Variants in FAT3 observed in about 807,000 individuals in gnomAD.
FAT3 encodes the protein FAT atypical cadherin 3.
A neutral mutation model predicts 310.2 loss-of-function variants in FAT3; 95 were observed. The observed-to-expected ratio is 0.31, with a 90% confidence interval of 0.26 to 0.36. FAT3 has a LOEUF of 0.36. FAT3 is among the 10% of genes least tolerant of loss of function. The pLI, the probability that FAT3 is intolerant of heterozygous loss-of-function variation, is 1.00. For missense variants in FAT3, 5,408 were observed against 5,715.6 expected (o/e 0.95, Z 1.74); for synonymous variants, 2,314 against 2,192.9 (o/e 1.06, Z -1.54).
chr11:92,802,462 TTC>T (rs1475542348), intron 10 of FAT3, among the ~76,000 whole-genome samples: 1 of 152,194 alleles, frequency 6.6e-6, no homozygotes, highest in Non-Finnish European at 1.5e-5. Context: ...TTTTTTGGAT[TTC>T]TTTTCTGTCT....
intron 1 of FAT3, among the ~76,000 whole-genome samples, chr11:92,342,833 A>C (rs931450505): frequency 9.9e-5 from 15 of 152,156 alleles, no homozygotes; most frequent in Non-Finnish European, 2.1e-4. Context: ...TTTTTCTGGC[A>C]CATTTTTTCA....
chr11:92,846,242 A>G (rs1239289630), intron 19 of FAT3, among the ~76,000 whole-genome samples: 1 of 152,170 alleles, frequency 6.6e-6, no homozygotes, highest in Non-Finnish European at 1.5e-5. Context: ...CAGCTAATTA[A>G]TCCTTGTACT....
At chr11:92,811,380 A>C (rs1947667675) in intron 13 of FAT3, among the ~76,000 whole-genome samples, 1 of 151,990 alleles carries the variant, frequency 6.6e-6, no homozygotes, top group Admixed American at 6.6e-5. Flanking sequence ...AAAGATTGGA[A>C]TTTTTCTCCA....
At chr11:92,372,805 C>T (rs928451177) in intron 2 of FAT3, among the ~76,000 whole-genome samples, 5 of 152,088 alleles carry the variant, frequency 3.3e-5, no homozygotes, top group South Asian at 2.1e-4. Context: ...GGACTACAGG[C>T]GCCTGCCACC....
At chr11:92,877,944 A>G (rs905114869) in intron 22 of FAT3, among the ~76,000 whole-genome samples, 4 of 152,194 alleles carry the variant, frequency 2.6e-5, no homozygotes, top group African/African-American at 9.7e-5. Flanking sequence ...AGCCTAGCCT[A>G]CCTGAAACAC....
At position 92,230,919 on chromosome 11, in the gene FAT3, C is replaced by T. The variant is rs117829083; in HGVS notation, c.-18+5745C>T. 1.5e-3 allele frequency among the ~76,000 whole-genome samples: 235 copies of T among 152,256 alleles called. 4 individuals are homozygous for T. In the East Asian group the frequency reaches 0.04, roughly 26 times the overall value. On this transcript the variant is annotated intron_variant, in intron 1 of 27. Transcript: ENST00000525166. The stretch of plus-strand genomic sequence containing the variant: ...TAATTCCATTTAATAATTCTTACTA[C>T]AGCCCTAATGTATGCAAGGCACTAT...
chr11:92,592,518 C>T (rs1939486399), intron 3 of FAT3, among the ~76,000 whole-genome samples: 1 of 151,904 alleles, frequency 6.6e-6, no homozygotes, highest in East Asian at 1.9e-4. Context: ...GATGGGATTT[C>T]ACCGTGTTGG....
In FAT3 at chr11:92,484,911, TG is replaced by T. The variant is rs541343526; in HGVS notation, c.3293-39720del. 3.1e-3 allele frequency among the ~76,000 whole-genome samples: 468 copies of T among 152,350 alleles called. 4 individuals carry two copies. Among genetic ancestry groups the T allele is most frequent in the Middle Eastern group, 0.024 (7 of 294 alleles). On this transcript the variant is annotated intron_variant, in intron 2 of 27. Transcript: ENST00000525166. ...AGAAGTTAATTGGACAAGTAATTTTTGGGCGATGTCTTTGGAAATGTGTGCA... is the reference window on the plus strand; with the variant it reads ...AGAAGTTAATTGGACAAGTAATTTTTGGCGATGTCTTTGGAAATGTGTGCA...
intron 4 of FAT3, among the ~76,000 whole-genome samples, chr11:92,709,164 C>G (rs1024659212): frequency 6.6e-6 from 1 of 152,358 alleles, no homozygotes; most frequent in Middle Eastern, 3.4e-3. Flanking sequence ...AACCCCTAAG[C>G]TTTCTCCCGG....
intron 3 of FAT3, among the ~76,000 whole-genome samples, chr11:92,582,805 A>G (rs1938885981): frequency 6.6e-6 from 1 of 152,034 alleles, no homozygotes; most frequent in Admixed American, 6.6e-5. Context: ...TCCTAAGATA[A>G]AAGTCCTATC....
intron 1 of FAT3, among the ~76,000 whole-genome samples, chr11:92,326,652 T>C (rs1389506854): frequency 6.6e-6 from 1 of 152,166 alleles, no homozygotes; most frequent in East Asian, 1.9e-4. Flanking sequence ...CCAAAGGGCA[T>C]CCAAATAAAT....
intron 1 of FAT3, among the ~76,000 whole-genome samples, chr11:92,238,506 G>GT (rs1864530984): frequency 6.6e-6 from 1 of 151,944 alleles, no homozygotes; most frequent in African/African-American, 2.4e-5. Flanking sequence ...TGTTTGTTTT[G>GT]TTTTTTGTTT....
intron 13 of FAT3, among the ~76,000 whole-genome samples, chr11:92,825,777 T>A (rs895273037): frequency 2.6e-5 from 4 of 152,060 alleles, no homozygotes; most frequent in Non-Finnish European, 5.9e-5. Flanking sequence ...TTAACACTGG[T>A]TAAGTTTAGA....
At chr11:92,345,421 T>A (rs924149331) in intron 1 of FAT3, among the ~76,000 whole-genome samples, 2 of 152,164 alleles carry the variant, frequency 1.3e-5, no homozygotes, top group African/African-American at 4.8e-5. Flanking sequence ...AGACAATATT[T>A]AGAGCAGTGG....
At chr11:92,494,853 C>T (rs896220724) in intron 2 of FAT3, among the ~76,000 whole-genome samples, 2 of 152,088 alleles carry the variant, frequency 1.3e-5, no homozygotes, top group Admixed American at 6.6e-5. Context: ...CCATCAGGAA[C>T]GGTTCATAGG....
chr11:92,857,226 C>T lies in FAT3; in HGVS notation c.11378C>T (p.Pro3793Leu), dbSNP rs368909373. 5.9e-5 allele frequency: 96 copies of T among 1,613,764 alleles called. No individual in the cohort carries two copies. The highest frequency in any genetic ancestry group is 3.5e-4 in the South Asian group (32 of 91,074). Residue 3793 changes from proline (P) to leucine (L), a missense_variant, in exon 20 of 28, where the codon CCG becomes CTG. Coordinates refer to ENST00000525166, the MANE Select transcript of FAT3 (RefSeq NM_001367949.2). ...VRCTCNGGLC[P>L]GSNDPCVEKP... The stretch of plus-strand genomic sequence containing the variant: ...ACCTTTGTCACAGGAGGACTGTGTC[C>T]GGGGTCCAACGATCCTTGTGTGGAG...
chr11:92,830,805 C>G (rs953461868), intron 13 of FAT3, among the ~76,000 whole-genome samples: 1 of 152,128 alleles, frequency 6.6e-6, no homozygotes, highest in Non-Finnish European at 1.5e-5. Flanking sequence ...CTCTGTTTCT[C>G]TCACATCCTG....
intron 3 of FAT3, among the ~76,000 whole-genome samples, chr11:92,693,493 C>T (rs781303006): frequency 1.3e-5 from 2 of 152,256 alleles, no homozygotes; most frequent in African/African-American, 4.8e-5. Context: ...TTCTTGTTCT[C>T]TATTGTCTTG....
intron 23 of FAT3, among the ~76,000 whole-genome samples, chr11:92,882,207 T>A (rs1183828753): frequency 6.6e-6 from 1 of 152,180 alleles, no homozygotes; most frequent in East Asian, 1.9e-4. Context: ...TCTCATTTAG[T>A]GTGAATATCC....
Sources: allele counts gnomAD v4.1 joint callset (sites outside exome capture counted in the v4.1 genomes callset), GRCh38; gene constraint gnomAD v4.1.1; transcripts MANE v1.5; gene names NCBI Gene and HGNC (gene_info 2026-07-23, HGNC 2026-07-21).